The following KIF1B variants were observed in gnomAD, a reference collection of about 807,000 sequenced individuals.
KIF1B encodes the protein kinesin family member 1B, also known as kinesin-like protein KIF1B.
In KIF1B, 76 loss-of-function variants were observed where a neutral mutation model predicts 241.9. The ratio of observed to expected loss-of-function variants is 0.31; its 90% CI spans 0.26 to 0.38. The LOEUF (loss-of-function observed/expected upper bound fraction) is 0.38, where lower values mean the gene tolerates loss of function less well. Among genes scored for constraint, KIF1B ranks in the 10% least tolerant of loss-of-function variants. The pLI, the probability that KIF1B is intolerant of heterozygous loss-of-function variation, is 1.00. For synonymous variants in KIF1B, 750 were observed against 796.7 expected (o/e 0.94, Z 0.99); for missense variants, 1,622 against 2,271.4 (o/e 0.71, Z 5.81).
At chr1:10,238,543 A>G (rs12127553) in intron 2 of KIF1B, among the ~76,000 whole-genome samples, 43,311 of 151,666 alleles carry the variant, frequency 0.29, 6,488 homozygotes, top group Admixed American at 0.34. Context: ...GTCTCTACCA[A>G]AAATACAAAA....
rs534422384 is a variant in KIF1B at position 10,278,326 on chromosome 1, T to C, written c.1180+198T>C. Among the ~76,000 whole-genome samples the C allele has an allele frequency of 2.0e-3, 303 of 152,352 alleles. 1 individual carries two copies. The highest frequency in any genetic ancestry group is 7.0e-3 in the African/African-American group (290 of 41,582). On this transcript the variant is annotated intron_variant, in intron 13 of 48. Transcript: ENST00000676179. ...GATCTCTAGATTCCTTTATGTAATG[T>C]GTACCAGACTATCCATTTGAACTCA...
At chr1:10,320,014 T>C in intron 22 of KIF1B, 29 bp from the exon 23 acceptor site, 1 of 1,476,358 alleles carries the variant, frequency 6.8e-7, no homozygotes, top group Non-Finnish European at 9.5e-7. Flanking sequence ...TTCCCTCTCC[T>C]ACATGTTATC....
At chr1:10,370,893 T>C (rs931739604) in intron 44 of KIF1B, among the ~76,000 whole-genome samples, 1 of 151,654 alleles carries the variant, frequency 6.6e-6, no homozygotes, top group African/African-American at 2.4e-5. Context: ...AGCCCAGGAG[T>C]TGGAGGCCAC....
intron 22 of KIF1B, among the ~76,000 whole-genome samples, chr1:10,308,945 G>A (rs1245696888): frequency 6.6e-6 from 1 of 152,148 alleles, no homozygotes; most frequent in Non-Finnish European, 1.5e-5. Flanking sequence ...TTGGTTTGAA[G>A]TTCTTTTAAA....
intron 28 of KIF1B, among the ~76,000 whole-genome samples, chr1:10,336,032 C>T (rs985954315): frequency 2.6e-5 from 4 of 152,198 alleles, no homozygotes; most frequent in Non-Finnish European, 5.9e-5. Flanking sequence ...TGGAAGTCTC[C>T]TCCACAAGTA....
At chr1:10,304,752 T>C (rs758795082) in intron 22 of KIF1B, 137 of 1,544,572 alleles carry the variant, frequency 8.9e-5, no homozygotes, top group Non-Finnish European at 1.1e-4. Context: ...TTATTTACAT[T>C]ATAAATATTA....
At chr1:10,268,529 A>G (rs1319300463) in intron 7 of KIF1B, among the ~76,000 whole-genome samples, 1 of 152,176 alleles carries the variant, frequency 6.6e-6, no homozygotes, top group East Asian at 1.9e-4. Context: ...ACTCAATACA[A>G]GACAGTTAAG....
At chr1:10,256,700 A>T (rs114648331) in intron 3 of KIF1B, among the ~76,000 whole-genome samples, 2,524 of 148,376 alleles carry the variant, frequency 0.017, 82 homozygotes, top group African/African-American at 0.059. Flanking sequence ...AAATAATAAT[A>T]ATAATTATTA....
At chr1:10,307,006 G>A in intron 22 of KIF1B, 3 of 1,041,516 alleles carry the variant, frequency 2.9e-6, no homozygotes, top group Non-Finnish European at 3.5e-6. Flanking sequence ...TAAGGACTAT[G>A]TCCACAGTGA....
chr1:10,334,696 G>T (rs1234359334), intron 28 of KIF1B, 58 bp downstream of exon 28: 3 of 1,347,422 alleles, frequency 2.2e-6, no homozygotes, highest in Non-Finnish European at 3.2e-6. Context: ...GACAAAGCAG[G>T]CTGATTCTGC....
intron 22 of KIF1B, chr1:10,304,297 A>G: frequency 6.2e-7 from 1 of 1,614,208 alleles, no homozygotes; most frequent in Non-Finnish European, 8.5e-7. Flanking sequence ...CAAGCAGCAC[A>G]TTAATAATCA....
intron 5 of KIF1B, among the ~76,000 whole-genome samples, chr1:10,263,285 AAT>A (rs879536279): frequency 0.021 from 2,803 of 133,390 alleles, 47 homozygotes; most frequent in Non-Finnish European, 0.031. Context: ...AAAAAATAAT[AAT>A]AATAAATAAA....
rs1254788859 is a variant in KIF1B at position 10,371,307 on chromosome 1, G to C, written c.4946+45G>C. Reference sequence around the variant, plus strand: ...TGAGAGAAGTCAATCTAAGAACCAAGGTAAATGTCAACCTTCCTCTAGCTC... The same window carrying C: ...TGAGAGAAGTCAATCTAAGAACCAACGTAAATGTCAACCTTCCTCTAGCTC... On this transcript the variant is annotated intron_variant, in intron 45 of 48. Transcript: ENST00000676179. 3.1e-6 allele frequency: 5 copies of C among 1,610,368 alleles called. No homozygotes were observed. In the South Asian group the frequency reaches 3.3e-5, roughly 11 times the overall value.
intron 1 of KIF1B, among the ~76,000 whole-genome samples, chr1:10,231,700 T>C (rs1348359453): frequency 6.6e-6 from 1 of 152,118 alleles, no homozygotes; most frequent in African/African-American, 2.4e-5. Context: ...TGCACTTCTT[T>C]AAAGAGAAGT....
chr1:10,350,982 G>A (rs1400065304), intron 37 of KIF1B, among the ~76,000 whole-genome samples: 1 of 151,728 alleles, frequency 6.6e-6, no homozygotes, highest in Non-Finnish European at 1.5e-5. Context: ...CAACTACTCA[G>A]GAGGCTGAGG....
Position 10,334,629 on chromosome 1 carries a change from G to A in KIF1B, c.3034G>A (p.Ala1012Thr), listed in dbSNP as rs1452348803. ...GGGATTTCTGCGTGTGGCTGTACAGGCCATCGCAGGTAGGTGACCCTCTTC... is the reference window on the plus strand; with the variant it reads ...GGGATTTCTGCGTGTGGCTGTACAGACCATCGCAGGTAGGTGACCCTCTTC... ...VRGFLRVAVQAIAADEEAPDY... is the reference protein window; with the variant it reads ...VRGFLRVAVQTIAADEEAPDY... Residue 1012 changes from alanine (A) to threonine (T), a missense_variant, in exon 28 of 49, where the codon GCC becomes ACC. By Grantham distance (58) the Ala-to-Thr change is moderately conservative. This residue lies in a region of KIF1B where 803 missense variants were observed against 1,112.0 expected (regional missense o/e 0.72). Transcript: ENST00000676179. 36 of 1,612,244 alleles carry A rather than the reference G, an allele frequency of 2.2e-5. No homozygotes were observed. Among genetic ancestry groups the A allele is most frequent in the Non-Finnish European group, 3.1e-5 (36 of 1,178,356 alleles).
chr1:10,376,726 T>G lies in KIF1B; in HGVS notation c.*139T>G. 1 of 858,216 alleles carries G rather than the reference T, an allele frequency of 1.2e-6. No individual in the cohort carries two copies. The highest frequency in any genetic ancestry group is 2.0e-6 in the Non-Finnish European group (1 of 509,990). The allele number at this position is 858,216 out of a possible 1,614,324, so 53.2% of individuals were successfully genotyped here. ...CTTCTCCCTCCTTGTCCAGCACTTT[T>G]CTAGCTCTCCCGTTCCCCATCTCCA... On this transcript the variant is annotated 3_prime_UTR_variant, in exon 49 of 49. Coordinates refer to ENST00000676179, the MANE Select transcript of KIF1B (RefSeq NM_001365951.3).
rs1646993014 is a variant in KIF1B, at chr1:10,232,252, A to G, written c.-77A>G. 8.7e-7 allele frequency: 1 copy of G among 1,153,262 alleles called. No homozygotes were observed. Among genetic ancestry groups the G allele is most frequent in the Non-Finnish European group, 1.3e-6 (1 of 786,640 alleles). 71.4% of individuals were successfully genotyped at this position (1,153,262 alleles called of 1,614,324 possible). ...ATGGAATTTTTTTCTTTTCAAAGGA[A>G]ACTTGGCTGTAACTTCAAAAGAAGA... is the stretch of plus-strand genomic sequence containing the variant. On this transcript the variant is annotated splice_region_variant and 5_prime_UTR_variant, in exon 2 of 49. Coordinates refer to ENST00000676179, the MANE Select transcript of KIF1B (RefSeq NM_001365951.3).
At chr1:10,249,738 C>A (rs191639753) in intron 2 of KIF1B, among the ~76,000 whole-genome samples, 1 of 151,984 alleles carries the variant, frequency 6.6e-6, no homozygotes, top group Non-Finnish European at 1.5e-5. Flanking sequence ...CCTGTCTCTA[C>A]AAAAAAATAA....
Sources: allele counts gnomAD v4.1 joint callset (sites outside exome capture counted in the v4.1 genomes callset), GRCh38; gene constraint gnomAD v4.1.1; regional missense constraint gnomAD v4.1.1; transcripts MANE v1.5; gene names NCBI Gene and HGNC (gene_info 2026-07-23, HGNC 2026-07-21).